Variants in TOPBP1 observed in about 807,000 individuals in gnomAD.
TOPBP1 encodes DNA topoisomerase II binding protein 1, also known as DNA topoisomerase 2-binding protein 1.
A neutral mutation model predicts 167.7 loss-of-function variants in TOPBP1; 28 were observed. The observed-to-expected ratio is 0.17, with a 90% CI of 0.12 to 0.23. TOPBP1 has a LOEUF of 0.23. Ranked by LOEUF, TOPBP1 falls within the 10% of genes least tolerant of loss-of-function variation. The pLI, the probability that TOPBP1 is intolerant of heterozygous loss-of-function variation, is 1.00. For synonymous variants in TOPBP1, 598 were observed against 611.4 expected (o/e 0.98, Z 0.32); for missense variants, 1,554 against 1,809.6 (o/e 0.86, Z 2.56).
intron 10 of TOPBP1, 130 bp from the exon 11 acceptor site, chr3:133,644,493 T>C (rs1936012087): frequency 2.3e-6 from 2 of 875,070 alleles, no homozygotes; most frequent in Non-Finnish European, 3.4e-6. Flanking sequence ...CTTACGTGTA[T>C]AATAAAGGGA....
intron 16 of TOPBP1, among the ~76,000 whole-genome samples, chr3:133,625,471 G>A (rs578081925): frequency 3.9e-5 from 6 of 152,288 alleles, no homozygotes; most frequent in African/African-American, 1.4e-4. Flanking sequence ...AGTGGCTCAT[G>A]CCTGTAATTC....
chr3:133,658,235 C>T (rs933740498), intron 3 of TOPBP1, among the ~76,000 whole-genome samples: 10 of 152,056 alleles, frequency 6.6e-5, no homozygotes, highest in Admixed American at 2.0e-4. Flanking sequence ...GGAGGCCGAG[C>T]GGGGGTGGAT....
Position 133,601,230 on chromosome 3 carries a change from T to C in TOPBP1, c.*20A>G. 1 of 1,572,750 alleles carries C rather than the reference T, an allele frequency of 6.4e-7. No individual in the cohort carries two copies. The highest frequency in any genetic ancestry group is 1.2e-5 in the South Asian group (1 of 82,728). On this transcript the variant is annotated 3_prime_UTR_variant, in exon 28 of 28. Coordinates refer to ENST00000260810, the MANE Select transcript of TOPBP1 (RefSeq NM_007027.4). The stretch of plus-strand genomic sequence containing the variant: ...ATTTTTAAAAACATTTAATGTTTGG[T>C]AACTAAAGGGTAGATGCGATTAGTG...
intron 8 of TOPBP1, among the ~76,000 whole-genome samples, chr3:133,650,539 A>G (rs1203749608): frequency 6.6e-6 from 1 of 152,172 alleles, no homozygotes; most frequent in East Asian, 1.9e-4. Flanking sequence ...TGCTTTGAGG[A>G]TAACATGTAT....
intron 24 of TOPBP1, 138 bp downstream of exon 24, chr3:133,612,251 G>C (rs1477833617): frequency 1.2e-6 from 1 of 863,642 alleles, no homozygotes; most frequent in Non-Finnish European, 1.7e-6. Context: ...TGTTGGCCAG[G>C]CATGTCTCGA....
intron 25 of TOPBP1, among the ~76,000 whole-genome samples, chr3:133,610,344 T>G (rs1000546837): frequency 6.6e-6 from 1 of 152,220 alleles, no homozygotes; most frequent in Non-Finnish European, 1.5e-5. Flanking sequence ...ACTGAATCAT[T>G]AATACACAGA....
chr3:133,617,984 C>A, intron 21 of TOPBP1: 1 of 491,108 alleles, frequency 2.0e-6, no homozygotes, highest in Non-Finnish European at 3.7e-6. Flanking sequence ...GAAAAAAACG[C>A]CCAATTCTAA....
chr3:133,649,221 T>C (rs1936193909), intron 10 of TOPBP1, among the ~76,000 whole-genome samples, 162 bp downstream of exon 10: 1 of 152,212 alleles, frequency 6.6e-6, no homozygotes, highest in African/African-American at 2.4e-5. Context: ...CAGGACCCTC[T>C]TGTCTTGCCT....
At chr3:133,602,523 G>A (rs1576672859) in intron 27 of TOPBP1, among the ~76,000 whole-genome samples, 1 of 152,170 alleles carries the variant, frequency 6.6e-6, no homozygotes, top group African/African-American at 2.4e-5. Flanking sequence ...AAAATGCACA[G>A]AATTGTTAAA....
chr3:133,609,567 C>T (rs575154737), intron 25 of TOPBP1, among the ~76,000 whole-genome samples: 1 of 152,068 alleles, frequency 6.6e-6, no homozygotes. Context: ...GGAGGGACCT[C>T]GTGGGAGGTG....
chr3:133,635,421 TA>T (rs200124686), intron 14 of TOPBP1, among the ~76,000 whole-genome samples: 5,479 of 150,328 alleles, frequency 0.036, 325 homozygotes, highest in African/African-American at 0.13. Context: ...CCCAGCTAAT[TA>T]AAAAAAAAAT....
chr3:133,638,146 TGTTTCCAAACTTC>T lies in TOPBP1; in HGVS notation c.2237_2249del (p.Arg746GlnfsTer3). 1 of 1,613,254 alleles carries T rather than the reference TGTTTCCAAACTTC, an allele frequency of 6.2e-7. No individual in the cohort carries two copies. The highest frequency in any genetic ancestry group is 8.5e-7 in the Non-Finnish European group (1 of 1,179,310). ...TTAGATTGATTCCATTTGTTATTTC[TGTTTCCAAACTTC>T]GTTCTAGAGATTTAAAATGAAAAGA... On this transcript the variant is annotated frameshift_variant, in exon 14 of 28. Coordinates refer to ENST00000260810, the MANE Select transcript of TOPBP1 (RefSeq NM_007027.4). LOFTEE classifies it high-confidence loss of function.
chr3:133,615,300 T>C (rs1419339499), intron 23 of TOPBP1, among the ~76,000 whole-genome samples: 2 of 152,114 alleles, frequency 1.3e-5, no homozygotes, highest in Non-Finnish European at 2.9e-5. Flanking sequence ...TGAAACCCTG[T>C]CTTTACTAAA....
At chr3:133,629,787 A>G (rs13068245) in intron 14 of TOPBP1, among the ~76,000 whole-genome samples, 43 of 148,848 alleles carry the variant, frequency 2.9e-4, no homozygotes, top group South Asian at 1.7e-3. Context: ...GTGTGTGTGT[A>G]TATATATATA....
intron 10 of TOPBP1, among the ~76,000 whole-genome samples, chr3:133,647,366 G>A (rs1936112021): frequency 6.6e-6 from 1 of 152,128 alleles, no homozygotes; most frequent in African/African-American, 2.4e-5. Context: ...ACCCAAACAT[G>A]AACCTTTTCT....
intron 27 of TOPBP1, among the ~76,000 whole-genome samples, chr3:133,607,453 A>G (rs921868093): frequency 7.9e-5 from 12 of 152,172 alleles, no homozygotes; most frequent in African/African-American, 2.9e-4. Context: ...TGTGTAATAG[A>G]ATAAGTAAAT....
chr3:133,633,303 A>G (rs560348458), intron 14 of TOPBP1, among the ~76,000 whole-genome samples: 1 of 152,274 alleles, frequency 6.6e-6, no homozygotes, highest in South Asian at 2.1e-4. Context: ...ATAATGCTCA[A>G]TCCACTGGCC....
chr3:133,623,544 T>C, intron 17 of TOPBP1, 87 bp from the exon 18 acceptor site: 1 of 1,403,570 alleles, frequency 7.1e-7, no homozygotes, highest in Non-Finnish European at 9.4e-7. Context: ...AAGCAATACA[T>C]TATACTGTAA....
At chr3:133,607,797 A>G (rs1156911921) in intron 27 of TOPBP1, among the ~76,000 whole-genome samples, 1 of 152,212 alleles carries the variant, frequency 6.6e-6, no homozygotes, top group Non-Finnish European at 1.5e-5. Flanking sequence ...AAAACCTTAG[A>G]TAAAATCGTG....
Sources: allele counts gnomAD v4.1 joint callset (sites outside exome capture counted in the v4.1 genomes callset), GRCh38; gene constraint gnomAD v4.1.1; transcripts MANE v1.5; gene names NCBI Gene and HGNC (gene_info 2026-07-23, HGNC 2026-07-21).